PAK3: variants seen among roughly 807,000 people sequenced by gnomAD.
PAK3 encodes the protein serine/threonine-protein kinase PAK 3.
PAK3 carries 4 observed loss-of-function variants against 41.0 expected under a neutral mutation model. The ratio of observed to expected loss-of-function variants is 0.10; its 90% CI spans 0.05 to 0.22. PAK3 has a LOEUF of 0.22. Ranked by LOEUF, PAK3 falls within the 10% of genes least tolerant of loss-of-function variation. The pLI is 1.00. For synonymous variants in PAK3, 146 were observed against 139.6 expected (o/e 1.05, Z -0.32); for missense variants, 205 against 409.9 (o/e 0.50, Z 4.32).
At chrX:110,944,845 C>G (rs959095862) in intron 1 of PAK3, among the ~76,000 whole-genome samples, 2 of 111,971 alleles carry the variant, frequency 1.8e-5, no homozygotes, top group African/African-American at 6.5e-5. Flanking sequence ...TGAAGCTGCC[C>G]GGACTCCTGC....
chrX:110,978,272 T>C (rs1434724666), intron 1 of PAK3, among the ~76,000 whole-genome samples: 3 of 111,480 alleles, frequency 2.7e-5, no homozygotes, highest in South Asian at 7.6e-4. Flanking sequence ...TTATTTGTTA[T>C]TGGTTTCATT....
chrX:111,149,636 A>G (rs776511296), intron 7 of PAK3, among the ~76,000 whole-genome samples: 2 of 112,508 alleles, frequency 1.8e-5, no homozygotes, highest in South Asian at 3.7e-4. Context: ...CTCTGAAGTC[A>G]CAGCCCAAGC....
chrX:111,153,151 T>A (rs967793834), intron 8 of PAK3, among the ~76,000 whole-genome samples: 2 of 112,170 alleles, frequency 1.8e-5, no homozygotes, highest in Non-Finnish European at 3.8e-5. Context: ...AACTGTAAGA[T>A]AATTTTATTT....
At chrX:111,049,015 A>C (rs1014111845) in intron 1 of PAK3, among the ~76,000 whole-genome samples, 2 of 111,784 alleles carry the variant, frequency 1.8e-5, no homozygotes, top group Non-Finnish European at 3.8e-5. Context: ...ATGTCTCTTC[A>C]GCCTCATCTT....
chrX:111,086,281 A>G (rs1037495418), intron 1 of PAK3, among the ~76,000 whole-genome samples: 2 of 111,447 alleles, frequency 1.8e-5, no homozygotes, highest in African/African-American at 6.5e-5. Flanking sequence ...AACAGGATAC[A>G]CTCACCATCA....
intron 1 of PAK3, among the ~76,000 whole-genome samples, chrX:111,001,046 C>T (rs1348432269): frequency 9.0e-6 from 1 of 111,695 alleles, no homozygotes; most frequent in African/African-American, 3.3e-5. Context: ...AGGTAGAGCA[C>T]ACCAGTACGA....
intron 3 of PAK3, among the ~76,000 whole-genome samples, chrX:111,100,422 C>A (rs1297703756): frequency 9.0e-6 from 1 of 111,456 alleles, no homozygotes; most frequent in Non-Finnish European, 1.9e-5. Context: ...TCCCCGGTCC[C>A]AGCCTGGTCA....
chrX:111,022,683 A>G (rs1290885443), intron 1 of PAK3, among the ~76,000 whole-genome samples: 2 of 111,382 alleles, frequency 1.8e-5, no homozygotes, highest in African/African-American at 6.5e-5. Context: ...AATATCACAC[A>G]TCTCAATACT....
At chrX:111,062,221 C>T (rs890523969) in intron 1 of PAK3, among the ~76,000 whole-genome samples, 2 of 111,632 alleles carry the variant, frequency 1.8e-5, no homozygotes. Context: ...TATCTAGTAC[C>T]ACTGGAATAG....
chrX:111,151,736 A>G (rs1407731453), intron 7 of PAK3, among the ~76,000 whole-genome samples: 1 of 112,157 alleles, frequency 8.9e-6, no homozygotes, highest in Non-Finnish European at 1.9e-5. Flanking sequence ...CCAATAATAA[A>G]GTAGAACAAT....
At chrX:111,045,665 G>T (rs2092490335) in intron 1 of PAK3, among the ~76,000 whole-genome samples, 1 of 111,931 alleles carries the variant, frequency 8.9e-6, no homozygotes, top group Admixed American at 9.5e-5. Context: ...CTTGCCAACA[G>T]TCATGCCTAG....
chrX:110,950,816 A>G (rs1005716503), intron 1 of PAK3, among the ~76,000 whole-genome samples: 2 of 111,602 alleles, frequency 1.8e-5, no homozygotes, highest in African/African-American at 6.5e-5. Flanking sequence ...ATATAAATTT[A>G]AAGTAGTAAA....
At chrX:110,949,351 A>G (rs766111530) in intron 1 of PAK3, among the ~76,000 whole-genome samples, 1 of 111,773 alleles carries the variant, frequency 8.9e-6, no homozygotes, top group African/African-American at 3.2e-5. Flanking sequence ...CCTGAGGACT[A>G]GATATTCTAC....
chrX:110,994,807 T>A (rs1307240939), intron 1 of PAK3, among the ~76,000 whole-genome samples: 1 of 111,565 alleles, frequency 9.0e-6, no homozygotes, highest in Admixed American at 9.5e-5. Context: ...GTTATCCTCA[T>A]CTATGGAGTG....
At chrX:111,000,564 G>A (rs2091829555) in intron 1 of PAK3, among the ~76,000 whole-genome samples, 1 of 111,783 alleles carries the variant, frequency 8.9e-6, no homozygotes, top group Non-Finnish European at 1.9e-5. Context: ...AACAGGAATA[G>A]GACATTAGTA....
chrX:111,026,054 A>G (rs1164210107), intron 1 of PAK3, among the ~76,000 whole-genome samples: 3 of 111,730 alleles, frequency 2.7e-5, no homozygotes, highest in Non-Finnish European at 3.8e-5. Flanking sequence ...AAAACAAAAA[A>G]TCACATGATC....
intron 16 of PAK3, among the ~76,000 whole-genome samples, chrX:111,206,047 A>G (rs2094743477): frequency 9.0e-6 from 1 of 111,325 alleles, no homozygotes; most frequent in South Asian, 3.8e-4. Flanking sequence ...TTGTGGGAAA[A>G]GGACCAGGAG....
At chrX:111,213,764 A>G (rs1445400658) in intron 16 of PAK3, among the ~76,000 whole-genome samples, 1 of 112,094 alleles carries the variant, frequency 8.9e-6, no homozygotes, top group Non-Finnish European at 1.9e-5. Flanking sequence ...GTAGCAACTG[A>G]TTTTGTTTTA....
At chrX:110,975,400 A>C (rs2091307512) in intron 1 of PAK3, among the ~76,000 whole-genome samples, 1 of 111,780 alleles carries the variant, frequency 8.9e-6, no homozygotes, top group South Asian at 3.8e-4. Flanking sequence ...TCCAACTAAC[A>C]AGGGATGTGA....
Sources: gnomAD v4.1 joint callset for allele counts (sites outside exome capture counted in the v4.1 genomes callset) on GRCh38, gnomAD v4.1.1 for gene constraint, MANE v1.5 for transcripts, NCBI Gene and HGNC (gene_info 2026-07-23, HGNC 2026-07-21) for gene names.